CELF2: variants seen among roughly 807,000 people sequenced by gnomAD.
CELF2 encodes CUGBP Elav-like family member 2, also known as CUG triplet repeat RNA-binding protein 2.
In CELF2, 8 loss-of-function variants were observed where a neutral mutation model predicts 62.6. The observed-to-expected ratio is 0.13, with a 90% CI of 0.07 to 0.23. CELF2 has a LOEUF of 0.23. Among genes scored for constraint, CELF2 ranks in the 10% least tolerant of loss-of-function variants. The probability of loss-of-function intolerance (pLI) is 1.00; values close to 1 mark genes in which losing one functional copy is unlikely to be tolerated. For synonymous variants in CELF2, 258 were observed against 250.0 expected, an observed-to-expected ratio of 1.03 and a Z score of -0.30; for missense variants, 333 against 671.0, an observed-to-expected ratio of 0.50 and a Z score of 5.56.
In CELF2 at chr10:11,018,120, C is replaced by A. The variant is rs375248006; in HGVS notation, c.31C>A (p.Pro11Thr). The change falls in exon 1 of 13, where the codon CCG becomes ACG. Residue 11 changes from proline (P) to threonine (T), a missense_variant. Pro to Thr is a conservative substitution (Grantham distance 38). Transcript: ENST00000633077. MTSAFKLDFL[P>T]DMMVEGRLLV... ...TTCTGCCTTCAAGCTGGATTTCCTC[C>A]CGGACATGATGGTCGAGGGCCGCCT... is the stretch of plus-strand genomic sequence containing the variant. 2.2e-5 allele frequency: 34 copies of A among 1,517,136 alleles called. No individual in the cohort carries two copies. The highest frequency in any genetic ancestry group is 3.0e-5 in the Non-Finnish European group (34 of 1,129,376). 94.0% of individuals were successfully genotyped at this position (1,517,136 alleles called of 1,614,324 possible).
At chr10:10,730,286 G>A in the CELF2 span, among the ~76,000 whole-genome samples, 3 of 152,152 alleles carry the variant, frequency 2.0e-5, no homozygotes, top group Admixed American at 1.3e-4. Context: ...AGACCAGCCT[G>A]GCCAAGATGG....
At chr10:10,491,310 C>T in the CELF2 span, among the ~76,000 whole-genome samples, 2 of 152,166 alleles carry the variant, frequency 1.3e-5, no homozygotes, top group Non-Finnish European at 1.5e-5. Flanking sequence ...TTGTCTTGCA[C>T]AGAAATTATA....
intron 1 of CELF2, among the ~76,000 whole-genome samples, chr10:11,061,867 C>G (rs900876829): frequency 9.9e-5 from 15 of 152,218 alleles, no homozygotes; most frequent in Middle Eastern, 3.2e-3. Flanking sequence ...GGCTGGAGTG[C>G]AGTGGCATGA....
chr10:11,319,719 G>A lies in CELF2; in HGVS notation c.1097-1470G>A, dbSNP rs1035443195. 7 of 466,920 alleles carry A rather than the reference G, an allele frequency of 1.5e-5. No individual in the cohort carries two copies. Among genetic ancestry groups the A allele is most frequent in the Non-Finnish European group, 2.2e-5 (5 of 224,756 alleles). 28.9% of individuals were successfully genotyped at this position (466,920 alleles called of 1,614,324 possible). A position where few individuals can be genotyped will look rare whatever the true frequency, so the allele number is the denominator to read the frequency against. ...CACCCCTGCTTGGTGTCTGTTCTGA[G>A]AAGCACAGGAATACCCGAGGTGAGG... is the stretch of plus-strand genomic sequence containing the variant. On this transcript the variant is annotated intron_variant, in intron 10 of 12. Transcript: ENST00000633077. This position sits in a 1 kb window ranked among gnomAD's most constrained non-coding sequence, Gnocchi z 4.4.
the CELF2 span, among the ~76,000 whole-genome samples, chr10:10,636,859 T>A: frequency 6.6e-6 from 1 of 152,168 alleles, no homozygotes; most frequent in South Asian, 2.1e-4. Context: ...CATTTGCAAG[T>A]GTGATAATGA....
At position 11,043,724 on chromosome 10, in the gene CELF2, C is replaced by T. The variant is rs2062265598; in HGVS notation, c.74+25561C>T. Among the ~76,000 whole-genome samples, 4 of 152,204 alleles carry T rather than the reference C, an allele frequency of 2.6e-5. No individual in the cohort carries two copies. The South Asian group carries it at 8.3e-4, about 32-fold the overall frequency. On this transcript the variant is annotated intron_variant, in intron 1 of 12. Coordinates refer to ENST00000633077, the MANE Select transcript of CELF2 (RefSeq NM_001326342.2). The stretch of plus-strand genomic sequence containing the variant: ...GTTCCGCGTTCCACCTGCAGTCGCT[C>T]CTGCTGTGGCCACTGCTTTCTTACG...
the CELF2 span, among the ~76,000 whole-genome samples, chr10:10,603,112 A>T: frequency 6.6e-6 from 1 of 152,110 alleles, no homozygotes; most frequent in Non-Finnish European, 1.5e-5. Flanking sequence ...ATAAATCTTC[A>T]ATTTCATTTT....
chr10:11,007,330 G>A (rs373354977), intron 1 of CELF2, among the ~76,000 whole-genome samples: 3 of 152,172 alleles, frequency 2.0e-5, no homozygotes, highest in South Asian at 4.2e-4. Flanking sequence ...TGAAACATGA[G>A]CTATTTTTTA....
the CELF2 span, among the ~76,000 whole-genome samples, chr10:10,614,066 C>G: frequency 6.6e-6 from 1 of 152,112 alleles, no homozygotes; most frequent in Non-Finnish European, 1.5e-5. Context: ...GCCCTCTCCC[C>G]AGCTAGTGGA....
rs1163832156 is a variant in CELF2 at position 11,300,655 on chromosome 10, C to T, written c.976+12103C>T. ...GGGAGAGGCGTAGTATATTAATGCC[C>T]CAGGGTTGTGATTGGCTAGTAATGC... On this transcript the variant is annotated intron_variant, in intron 9 of 12. Coordinates refer to ENST00000633077, the MANE Select transcript of CELF2 (RefSeq NM_001326342.2). This position sits in a 1 kb window ranked among gnomAD's most constrained non-coding sequence, Gnocchi z 5.5. Among the ~76,000 whole-genome samples the T allele has an allele frequency of 6.6e-6, 1 of 152,124 alleles. No homozygotes were observed. Among genetic ancestry groups the T allele is most frequent in the Admixed American group, 6.5e-5 (1 of 15,274 alleles).
chr10:11,243,494 G>A lies in CELF2; in HGVS notation c.355-5659G>A, dbSNP rs968114983. On this transcript the variant is annotated intron_variant, in intron 3 of 12. Transcript: ENST00000633077. This position sits in a 1 kb window ranked among gnomAD's most constrained non-coding sequence, Gnocchi z 4.1. ...GACATCCCGTTTACTCCCATCAACA[G>A]GATCTATTTCCAAAACTCATGCTCC... 1.3e-5 allele frequency among the ~76,000 whole-genome samples: 2 copies of A among 152,166 alleles called. No homozygotes were observed. Among genetic ancestry groups the A allele is most frequent in the Non-Finnish European group, 2.9e-5 (2 of 68,042 alleles).
chr10:10,527,771 G>A, the CELF2 span, among the ~76,000 whole-genome samples: 8 of 152,098 alleles, frequency 5.3e-5, no homozygotes, highest in African/African-American at 9.7e-5. Flanking sequence ...TTCTCCTCTG[G>A]GGCTTTGACA....
chr10:10,489,736 C>T, the CELF2 span, among the ~76,000 whole-genome samples: 1 of 151,910 alleles, frequency 6.6e-6, no homozygotes, highest in East Asian at 1.9e-4. Flanking sequence ...GCTAATATAT[C>T]CTGTGTGGCC....
intron 1 of CELF2, among the ~76,000 whole-genome samples, chr10:10,847,343 G>C (rs1216958283): frequency 6.6e-6 from 1 of 151,994 alleles, no homozygotes; most frequent in African/African-American, 2.4e-5. Context: ...CTGTTTCCTT[G>C]TCAATGTAAA....
At chr10:10,542,224 C>A in the CELF2 span, among the ~76,000 whole-genome samples, 1 of 152,132 alleles carries the variant, frequency 6.6e-6, no homozygotes, top group Non-Finnish European at 1.5e-5. Context: ...ATCCAGTTAT[C>A]CAGTTTTACA....
chr10:11,229,530 A>G (rs1442641571), intron 3 of CELF2, among the ~76,000 whole-genome samples: 1 of 152,172 alleles, frequency 6.6e-6, no homozygotes, highest in Non-Finnish European at 1.5e-5. Context: ...GGAGCTTTTA[A>G]AACTGTGTAT....
At chr10:11,147,785 G>A (rs959017113) in intron 1 of CELF2, among the ~76,000 whole-genome samples, 65 of 152,240 alleles carry the variant, frequency 4.3e-4, no homozygotes, top group African/African-American at 1.6e-3. Context: ...CCACGGCATA[G>A]AGTTGAGATT....
At chr10:10,497,151 C>A in the CELF2 span, among the ~76,000 whole-genome samples, 1 of 150,488 alleles carries the variant, frequency 6.6e-6, no homozygotes, top group Non-Finnish European at 1.5e-5. Context: ...CGCCACTGCA[C>A]TCCAGCTTGG....
intron 1 of CELF2, among the ~76,000 whole-genome samples, chr10:11,152,444 A>G (rs77133148): frequency 0.011 from 1,646 of 152,302 alleles, 25 homozygotes; most frequent in African/African-American, 0.038. Context: ...GAAAGATTAA[A>G]TAATGGGACT....
Sources: gnomAD v4.1 joint callset for allele counts (sites outside exome capture counted in the v4.1 genomes callset) on GRCh38, gnomAD v4.1.1 for gene constraint, Gnocchi (gnomAD v3.1) non-coding constraint, MANE v1.5 for transcripts, NCBI Gene and HGNC (gene_info 2026-07-23, HGNC 2026-07-21) for gene names.